GALNT13: variants seen among roughly 807,000 people sequenced by gnomAD.
GALNT13 encodes polypeptide N-acetylgalactosaminyltransferase 13, also known as UDP-GalNAc:polypeptide N-acetylgalactosaminyltransferase 13.
GALNT13 carries 28 observed loss-of-function variants against 64.2 expected under a neutral mutation model. The ratio of observed to expected loss-of-function variants is 0.44; its 90% CI spans 0.32 to 0.60. The LOEUF is 0.60. GALNT13 is among the 20% of genes least tolerant of loss of function. The probability of loss-of-function intolerance (pLI) is 0.05; values close to 1 mark genes in which losing one functional copy is unlikely to be tolerated. For missense variants in GALNT13, 577 were observed against 669.8 expected (o/e 0.86, Z 1.53); for synonymous variants, 214 against 224.6 (o/e 0.95, Z 0.42).
At chr2:153,205,751 TG>T in the GALNT13 span, among the ~76,000 whole-genome samples, 2 of 152,108 alleles carry the variant, frequency 1.3e-5, no homozygotes. Context: ...TCTTTCAATT[TG>T]CCCTGAATGT....
the GALNT13 span, among the ~76,000 whole-genome samples, chr2:153,627,553 A>G: frequency 4.0e-3 from 615 of 152,240 alleles, 3 homozygotes; most frequent in African/African-American, 0.014. Context: ...TAATGTTCCC[A>G]ACACAACATA....
intron 9 of GALNT13, among the ~76,000 whole-genome samples, chr2:154,316,156 A>G (rs1694308693): frequency 6.6e-6 from 1 of 152,198 alleles, no homozygotes. Flanking sequence ...TGAAAATAAG[A>G]TAAATGAAGT....
chr2:153,081,131 T>C, the GALNT13 span, among the ~76,000 whole-genome samples: 1 of 152,140 alleles, frequency 6.6e-6, no homozygotes, highest in African/African-American at 2.4e-5. Context: ...TGCACACATA[T>C]GTGTATATAA....
chr2:153,977,931 T>A (rs1031111034), intron 3 of GALNT13, among the ~76,000 whole-genome samples: 1 of 152,158 alleles, frequency 6.6e-6, no homozygotes, highest in African/African-American at 2.4e-5. Flanking sequence ...CTTTCAATCC[T>A]GGGAATTATT....
the GALNT13 span, among the ~76,000 whole-genome samples, chr2:153,437,478 A>T: frequency 6.6e-6 from 1 of 151,998 alleles, no homozygotes; most frequent in African/African-American, 2.4e-5. Context: ...TTTGTAGGTC[A>T]CTCAGGACTT....
the GALNT13 span, among the ~76,000 whole-genome samples, chr2:153,498,786 G>A: frequency 6.6e-6 from 1 of 152,174 alleles, no homozygotes; most frequent in Non-Finnish European, 1.5e-5. Flanking sequence ...AGGGTTGGGG[G>A]GTGTGTTTCA....
At chr2:153,329,067 C>T in the GALNT13 span, among the ~76,000 whole-genome samples, 1,392 of 152,120 alleles carry the variant, frequency 9.2e-3, 27 homozygotes, top group African/African-American at 0.032. Flanking sequence ...AGGGAGTTCC[C>T]AGACCTCTTG....
intron 8 of GALNT13, among the ~76,000 whole-genome samples, chr2:154,267,657 C>CA (rs1243534198): frequency 6.6e-6 from 1 of 151,508 alleles, no homozygotes; most frequent in Non-Finnish European, 1.5e-5. Flanking sequence ...AACAAACAAA[C>CA]AAAAAAACTT....
the GALNT13 span, among the ~76,000 whole-genome samples, chr2:153,479,968 A>G: frequency 6.6e-6 from 1 of 152,038 alleles, no homozygotes; most frequent in Non-Finnish European, 1.5e-5. Context: ...TTTCAGCTGT[A>G]ACAGCTGGAA....
At chr2:153,649,456 C>T in the GALNT13 span, among the ~76,000 whole-genome samples, 3 of 150,022 alleles carry the variant, frequency 2.0e-5, no homozygotes, top group Non-Finnish European at 4.4e-5. Flanking sequence ...TTTTGTGTCT[C>T]TATTTCCTTC....
At chr2:154,422,744 T>C (rs1261630134) in intron 11 of GALNT13, among the ~76,000 whole-genome samples, 1 of 152,104 alleles carries the variant, frequency 6.6e-6, no homozygotes, top group Admixed American at 6.5e-5. Context: ...ATCAAAGTGG[T>C]CTTGATAGCT....
chr2:153,911,167 T>C (rs571934109), intron 2 of GALNT13, among the ~76,000 whole-genome samples: 1 of 152,292 alleles, frequency 6.6e-6, no homozygotes, highest in Admixed American at 6.5e-5. Context: ...TTTACCATTA[T>C]GTAATGCCCT....
chr2:154,283,346 A>G (rs1030602367), intron 8 of GALNT13, among the ~76,000 whole-genome samples: 4 of 152,062 alleles, frequency 2.6e-5, no homozygotes, highest in Admixed American at 2.0e-4. Context: ...ATTCCATTAC[A>G]TGGTAGATAC....
the GALNT13 span, among the ~76,000 whole-genome samples, chr2:153,248,612 G>T: frequency 6.6e-6 from 1 of 151,704 alleles, no homozygotes; most frequent in Non-Finnish European, 1.5e-5. Context: ...AGGAGATGGC[G>T]ACCATCCTGG....
chr2:153,943,292 A>G (rs1691470806), intron 2 of GALNT13, among the ~76,000 whole-genome samples: 1 of 152,056 alleles, frequency 6.6e-6, no homozygotes, highest in African/African-American at 2.4e-5. Flanking sequence ...TAAATCATTT[A>G]TGTTAATATA....
At chr2:153,862,952 C>T in the GALNT13 span, among the ~76,000 whole-genome samples, 2 of 152,030 alleles carry the variant, frequency 1.3e-5, no homozygotes, top group Non-Finnish European at 2.9e-5. Context: ...TCAACTGTTC[C>T]TACTGGATGA....
chr2:153,961,309 T>C (rs1007108882), intron 3 of GALNT13, among the ~76,000 whole-genome samples: 2 of 152,170 alleles, frequency 1.3e-5, no homozygotes, highest in Non-Finnish European at 1.5e-5. Flanking sequence ...AGAGACTCTA[T>C]GAAATTAAGA....
rs116664092 is a variant in GALNT13 at position 154,334,317 on chromosome 2, G to A, written c.1156+32728G>A. 7.8e-3 allele frequency among the ~76,000 whole-genome samples: 1,185 copies of A among 152,014 alleles called. 13 individuals carry two copies. Among genetic ancestry groups the A allele is most frequent in the African/African-American group, 0.027 (1,128 of 41,508 alleles). ...TTATTAAAAACTATAGGATGCAATA[G>A]CATTCGACACCCTGTAAATTCATTA... On this transcript the variant is annotated intron_variant, in intron 9 of 12. Coordinates refer to ENST00000392825, the MANE Select transcript of GALNT13 (RefSeq NM_052917.4).
At chr2:153,835,388 A>G in the GALNT13 span, among the ~76,000 whole-genome samples, 3 of 152,078 alleles carry the variant, frequency 2.0e-5, no homozygotes, top group Admixed American at 2.0e-4. Context: ...ACTTAAGATT[A>G]TAATATTTGT....
Sources: allele counts gnomAD v4.1 joint callset (sites outside exome capture counted in the v4.1 genomes callset), GRCh38; gene constraint gnomAD v4.1.1; transcripts MANE v1.5; gene names NCBI Gene and HGNC (gene_info 2026-07-23, HGNC 2026-07-21).